The following DSCAM variants were observed in gnomAD, a reference collection of about 807,000 sequenced individuals.
DSCAM encodes cell adhesion molecule DSCAM.
DSCAM carries 47 observed loss-of-function variants against 217.7 expected under a neutral mutation model. That is an observed-to-expected ratio of 0.22 (90% CI 0.17 to 0.28). The LOEUF (loss-of-function observed/expected upper bound fraction) is 0.28. Ranked by LOEUF, DSCAM falls within the 10% of genes least tolerant of loss-of-function variation. The pLI is 1.00. For missense variants in DSCAM, 2,080 were observed against 2,618.3 expected (o/e 0.79, Z 4.49); for synonymous variants, 1,056 against 1,015.3 (o/e 1.04, Z -0.76).
At position 40,509,792 on chromosome 21, in the gene DSCAM, C is replaced by G. The variant is rs192522731; in HGVS notation, c.509-140547G>C. Among the ~76,000 whole-genome samples the G allele has an allele frequency of 1.0e-3, 156 of 152,272 alleles. 2 individuals carry two copies. In the Middle Eastern group the frequency reaches 0.014, roughly 13 times the overall value. ...ATTCTGAAACCAAACAAAACTAGAACAGAAAGCAAACTTTATTACACATGC... is the reference window on the plus strand; with the variant it reads ...ATTCTGAAACCAAACAAAACTAGAAGAGAAAGCAAACTTTATTACACATGC... On this transcript the variant is annotated intron_variant, in intron 3 of 32. Transcript: ENST00000400454.
At chr21:40,469,592 A>G (rs1272646638) in intron 3 of DSCAM, among the ~76,000 whole-genome samples, 3 of 152,232 alleles carry the variant, frequency 2.0e-5, no homozygotes, top group Non-Finnish European at 4.4e-5. Flanking sequence ...CTTGACACTT[A>G]ATATTTACAT....
intron 3 of DSCAM, among the ~76,000 whole-genome samples, chr21:40,656,749 T>A (rs2146370663): frequency 6.6e-6 from 1 of 152,282 alleles, no homozygotes; most frequent in South Asian, 2.1e-4. Flanking sequence ...GGACAAAAAT[T>A]GTCATGCCTA....
At chr21:40,830,285 G>C (rs1446824462) in intron 1 of DSCAM, among the ~76,000 whole-genome samples, 2 of 152,082 alleles carry the variant, frequency 1.3e-5, no homozygotes, top group African/African-American at 4.8e-5. Flanking sequence ...AGGTGGGGGA[G>C]GTGCCACACA....
At chr21:40,328,402 T>A (rs1009196704) in intron 8 of DSCAM, among the ~76,000 whole-genome samples, 26 of 152,014 alleles carry the variant, frequency 1.7e-4, no homozygotes, top group African/African-American at 6.0e-4. Context: ...TTGGGGAAAC[T>A]AGATACCCAC....
At chr21:40,620,598 G>A (rs1293047045) in intron 3 of DSCAM, among the ~76,000 whole-genome samples, 1 of 152,110 alleles carries the variant, frequency 6.6e-6, no homozygotes, top group African/African-American at 2.4e-5. Flanking sequence ...AGAAGATTGA[G>A]TAAGGGAGGG....
intron 3 of DSCAM, among the ~76,000 whole-genome samples, chr21:40,630,374 C>CA (rs1337750237): frequency 6.6e-6 from 1 of 152,170 alleles, no homozygotes; most frequent in African/African-American, 2.4e-5. Flanking sequence ...TTTACCACAA[C>CA]AAAAATCTCT....
intron 3 of DSCAM, among the ~76,000 whole-genome samples, chr21:40,528,825 G>A (rs757105441): frequency 2.0e-5 from 3 of 151,556 alleles, no homozygotes; most frequent in East Asian, 3.9e-4. Context: ...CCAGCGAGGT[G>A]AGCAGCAGTC....
intron 3 of DSCAM, among the ~76,000 whole-genome samples, chr21:40,648,129 A>G (rs1254640526): frequency 6.6e-6 from 1 of 152,248 alleles, no homozygotes; most frequent in Non-Finnish European, 1.5e-5. Flanking sequence ...CAGTAACTGA[A>G]AAGATTCAAT....
intron 1 of DSCAM, among the ~76,000 whole-genome samples, chr21:40,747,505 G>A (rs949024419): frequency 2.0e-5 from 3 of 151,746 alleles, no homozygotes; most frequent in Non-Finnish European, 4.4e-5. Flanking sequence ...ATTAAATCAT[G>A]AAGAAATAGA....
In DSCAM at chr21:40,620,380, AAGAAAGAG is replaced by A. The variant is rs1252197180; in HGVS notation, c.508+72422_508+72429del. Among the ~76,000 whole-genome samples the A allele has an allele frequency of 1.9e-4, 18 of 96,368 alleles. 1 individual carries two copies. Among genetic ancestry groups the A allele is most frequent in the African/African-American group, 5.8e-4 (18 of 30,834 alleles). 63.2% of individuals were successfully genotyped at this position (96,368 alleles called of 152,430 possible). A position where few individuals can be genotyped will look rare whatever the true frequency, so the allele number is the denominator to read the frequency against. ...GAGAAAAAAGAAAAAGAAAGAAAGA[AAGAAAGAG>A]AAAGAAAGAAAGAAAGGAGGGAGGG... On this transcript the variant is annotated intron_variant, in intron 3 of 32. Transcript: ENST00000400454.
intron 32 of DSCAM, among the ~76,000 whole-genome samples, chr21:40,024,227 A>G (rs1277216172): frequency 2.3e-5 from 2 of 88,806 alleles, no homozygotes; most frequent in Non-Finnish European, 5.0e-5. Flanking sequence ...CCATTGATCT[A>G]TATCTGTGTT....
At chr21:40,342,787 A>G (rs1171686491) in intron 6 of DSCAM, among the ~76,000 whole-genome samples, 1 of 82,054 alleles carries the variant, frequency 1.2e-5, no homozygotes, top group African/African-American at 5.5e-5. Context: ...AAGTTTTGCC[A>G]TGTTTCCCAG....
Position 40,292,315 on chromosome 21 carries a change from C to T in DSCAM, c.2182+3740G>A, listed in dbSNP as rs377740818. Among the ~76,000 whole-genome samples, 90 of 151,456 alleles carry T rather than the reference C, an allele frequency of 5.9e-4. No homozygotes were observed. In the South Asian group the frequency reaches 8.7e-3, roughly 15 times the overall value. The stretch of plus-strand genomic sequence containing the variant: ...CTGTTGCATCTCTCAAGGAAACAAG[C>T]TGAATCTGTTTTGTTTATACAGTTT... On this transcript the variant is annotated intron_variant, in intron 10 of 32. Coordinates refer to ENST00000400454, the MANE Select transcript of DSCAM (RefSeq NM_001389.5).
At chr21:40,209,226 A>T (rs2146875255) in intron 11 of DSCAM, among the ~76,000 whole-genome samples, 1 of 152,280 alleles carries the variant, frequency 6.6e-6, no homozygotes, top group East Asian at 1.9e-4. Context: ...GAGGTTGTTA[A>T]GGAAGCAGTG....
intron 3 of DSCAM, among the ~76,000 whole-genome samples, chr21:40,681,214 G>A (rs556383264): frequency 4.1e-4 from 62 of 152,278 alleles, no homozygotes; most frequent in African/African-American, 1.3e-3. Context: ...CGTGGCACCC[G>A]AAAGTGAGGA....
In DSCAM at chr21:40,379,244, T is replaced by C. The variant is rs150134559; in HGVS notation, c.509-9999A>G. ...TCCCACTGTCACGTATTTGAGTATC[T>C]TAAAAGAAGACTCTATTAATGTGCT... On this transcript the variant is annotated intron_variant, in intron 3 of 32. Transcript: ENST00000400454. Among the ~76,000 whole-genome samples, 334 of 152,318 alleles carry C rather than the reference T, an allele frequency of 2.2e-3. 1 individual carries two copies. Among genetic ancestry groups the C allele is most frequent in the African/African-American group, 7.7e-3 (321 of 41,580 alleles).
At chr21:40,609,530 G>A (rs947450744) in intron 3 of DSCAM, among the ~76,000 whole-genome samples, 6 of 152,164 alleles carry the variant, frequency 3.9e-5, no homozygotes, top group Non-Finnish European at 7.3e-5. Flanking sequence ...TAGCAAGGAC[G>A]GCAATTAAGA....
At chr21:40,653,678 G>A (rs113233850) in intron 3 of DSCAM, among the ~76,000 whole-genome samples, 1,602 of 152,284 alleles carry the variant, frequency 0.011, 32 homozygotes, top group African/African-American at 0.037. Context: ...CGCGTTGACT[G>A]TGATCATCGT....
rs1183626739 is a variant in DSCAM at position 40,237,676 on chromosome 21, C to CATGT, written c.2356+38417_2356+38420dup. 2.0e-5 allele frequency among the ~76,000 whole-genome samples: 3 copies of CATGT among 152,196 alleles called. No individual in the cohort carries two copies. The East Asian group carries it at 5.8e-4, about 29-fold the overall frequency. On this transcript the variant is annotated intron_variant, in intron 11 of 32. Coordinates refer to ENST00000400454, the MANE Select transcript of DSCAM (RefSeq NM_001389.5). ...TGTGAACAGTGCTGCAATAAACATA[C>CATGT]ATGTGCATGTGTCTTTATAGTAGAA... is the stretch of plus-strand genomic sequence containing the variant.
Sources: gnomAD v4.1 joint callset for allele counts (sites outside exome capture counted in the v4.1 genomes callset) on GRCh38, gnomAD v4.1.1 for gene constraint, MANE v1.5 for transcripts, NCBI Gene and HGNC (gene_info 2026-07-23, HGNC 2026-07-21) for gene names.